The following BBX variants were observed in gnomAD, a reference collection of about 807,000 sequenced individuals.
BBX encodes the protein BBX high mobility group box domain containing.
BBX carries 30 observed loss-of-function variants against 100.2 expected under a neutral mutation model. The ratio of observed to expected loss-of-function variants is 0.30; its 90% CI spans 0.22 to 0.41. BBX has a LOEUF of 0.41. Among genes scored for constraint, BBX ranks in the 10% least tolerant of loss-of-function variants. The pLI, the probability that BBX is intolerant of heterozygous loss-of-function variation, is 1.00. For missense variants in BBX, 1,023 were observed against 1,129.8 expected (o/e 0.91, Z 1.35); for synonymous variants, 376 against 388.1 (o/e 0.97, Z 0.37).
intron 2 of BBX, among the ~76,000 whole-genome samples, chr3:107,629,848 C>T (rs1210699082): frequency 1.3e-5 from 2 of 152,096 alleles, no homozygotes; most frequent in South Asian, 2.1e-4. Context: ...TTTCACATTG[C>T]GTATTTTGAG....
chr3:107,703,831 G>A (rs765746190), intron 3 of BBX, among the ~76,000 whole-genome samples: 1 of 152,182 alleles, frequency 6.6e-6, no homozygotes, highest in East Asian at 1.9e-4. Context: ...GAGTTTTAGA[G>A]TTAATCTAAT....
intron 2 of BBX, among the ~76,000 whole-genome samples, chr3:107,566,889 CTCTTT>C (rs1437338155): frequency 6.6e-6 from 1 of 151,772 alleles, no homozygotes; most frequent in African/African-American, 2.4e-5. Context: ...TATTTTTAAA[CTCTTT>C]TCTTCTCTGA....
chr3:107,721,192 G>A (rs2062498984), intron 5 of BBX, among the ~76,000 whole-genome samples: 2 of 151,970 alleles, frequency 1.3e-5, no homozygotes, highest in African/African-American at 4.8e-5. Flanking sequence ...AAAGCATTCA[G>A]AACATCTTTT....
chr3:107,528,370 C>T (rs2047923527), intron 2 of BBX, among the ~76,000 whole-genome samples: 1 of 152,124 alleles, frequency 6.6e-6, no homozygotes, highest in Non-Finnish European at 1.5e-5. Flanking sequence ...GAAAAGGTGG[C>T]TCATCTATAT....
intron 2 of BBX, among the ~76,000 whole-genome samples, chr3:107,630,027 C>T (rs138391333): frequency 6.6e-6 from 1 of 152,278 alleles, no homozygotes; most frequent in African/African-American, 2.4e-5. Flanking sequence ...CTTTAGTCCT[C>T]TGAGCTCATC....
intron 2 of BBX, among the ~76,000 whole-genome samples, chr3:107,612,366 G>A (rs1454020158): frequency 2.0e-5 from 3 of 152,108 alleles, no homozygotes; most frequent in African/African-American, 7.2e-5. Flanking sequence ...GTTTGTACCT[G>A]TCCTCATTAA....
chr3:107,775,212 A>G (rs546714957), intron 12 of BBX, among the ~76,000 whole-genome samples: 2 of 152,164 alleles, frequency 1.3e-5, no homozygotes, highest in Admixed American at 6.6e-5. Context: ...TTTACATACT[A>G]TATGTATTTA....
chr3:107,556,916 G>T (rs2050133887), intron 2 of BBX, among the ~76,000 whole-genome samples: 5 of 152,112 alleles, frequency 3.3e-5, no homozygotes, highest in Admixed American at 3.3e-4. Flanking sequence ...AAATTTTGTT[G>T]CCAGAGCTCA....
Position 107,732,844 on chromosome 3 carries a change from A to C in BBX, c.602-112A>C. 2.4e-6 allele frequency: 2 copies of C among 846,892 alleles called. 1 individual carries two copies. The highest frequency in any genetic ancestry group is 3.4e-5 in the South Asian group (2 of 59,190). 52.5% of individuals were successfully genotyped at this position (846,892 alleles called of 1,614,324 possible). On this transcript the variant is annotated intron_variant, in intron 6 of 17. Transcript: ENST00000325805. Reference sequence around the variant, plus strand: ...TTTAAAAGTTTTTATAAAAAGTTATATGTGGTTCTGTTGGATTTCTGATTG... The same window carrying C: ...TTTAAAAGTTTTTATAAAAAGTTATCTGTGGTTCTGTTGGATTTCTGATTG...
intron 10 of BBX, among the ~76,000 whole-genome samples, chr3:107,765,782 G>A (rs548776496): frequency 8.5e-4 from 129 of 152,308 alleles, no homozygotes; most frequent in African/African-American, 2.8e-3. Context: ...GGGAATGGGA[G>A]GATGGGAGAG....
intron 2 of BBX, among the ~76,000 whole-genome samples, chr3:107,542,777 G>GAGGCC (rs1164071086): frequency 6.6e-6 from 1 of 152,108 alleles, no homozygotes; most frequent in African/African-American, 2.4e-5. Flanking sequence ...CTGTCTACTG[G>GAGGCC]AGGCCATATT....
rs373331356 is a variant in BBX, at chr3:107,563,099, C to T, written c.-84+36701C>T. On this transcript the variant is annotated intron_variant, in intron 2 of 17. Transcript: ENST00000325805. ...GTGTTAGGCTCACAGCTTTGCCTCCCATGTGGGAGGAGTGCTCAGGGTCAG... is the reference window on the plus strand; with the variant it reads ...GTGTTAGGCTCACAGCTTTGCCTCCTATGTGGGAGGAGTGCTCAGGGTCAG... Among the ~76,000 whole-genome samples, 26 of 152,304 alleles carry T rather than the reference C, an allele frequency of 1.7e-4. 1 individual carries two copies. The South Asian group carries it at 4.8e-3, about 28-fold the overall frequency.
At chr3:107,645,014 G>A (rs595192) in intron 2 of BBX, among the ~76,000 whole-genome samples, 139,988 of 152,214 alleles carry the variant, frequency 0.92, 64,564 homozygotes, top group East Asian at 1. Context: ...GTGATATCCA[G>A]TTTCTACAGT....
intron 15 of BBX, among the ~76,000 whole-genome samples, chr3:107,797,825 G>T (rs972393871): frequency 2.6e-5 from 4 of 152,126 alleles, no homozygotes; most frequent in Non-Finnish European, 2.9e-5. Context: ...ATTCATTGGG[G>T]TTACAATTAG....
In BBX at chr3:107,744,707, C is replaced by T. The variant is rs199846860; in HGVS notation, c.747C>T (p.Ala249=). The T allele has an allele frequency of 2.5e-5, 40 of 1,610,930 alleles. No homozygotes were observed. Among genetic ancestry groups the T allele is most frequent in the Non-Finnish European group, 3.0e-5 (35 of 1,177,488 alleles). The change falls in exon 8 of 18, where the codon GCC becomes GCT. Residue 249 remains alanine, a synonymous_variant. Transcript: ENST00000325805. ...AGAAGTCACCATTGTTTCAGTTTGC[C>T]GAGGTAATATATTACAATTGATACT... is the stretch of plus-strand genomic sequence containing the variant. ...LRQKSPLFQF[A]EISSSTSHSD...
intron 2 of BBX, among the ~76,000 whole-genome samples, chr3:107,574,886 A>G (rs2051656043): frequency 6.6e-6 from 1 of 152,182 alleles, no homozygotes; most frequent in South Asian, 2.1e-4. Flanking sequence ...AAGTGGTACA[A>G]CTGTTGTTAC....
chr3:107,529,620 A>T (rs1221360626), intron 2 of BBX, among the ~76,000 whole-genome samples: 2 of 152,210 alleles, frequency 1.3e-5, no homozygotes. Context: ...AAGGGTAGTC[A>T]TCACATACTG....
At chr3:107,592,191 T>C (rs1001634000) in intron 2 of BBX, among the ~76,000 whole-genome samples, 1 of 151,870 alleles carries the variant, frequency 6.6e-6, no homozygotes, top group East Asian at 1.9e-4. Flanking sequence ...TTTTTCTTAA[T>C]GTTTTGGGTT....
At chr3:107,725,895 T>C (rs1233615336) in intron 5 of BBX, among the ~76,000 whole-genome samples, 2 of 152,094 alleles carry the variant, frequency 1.3e-5, no homozygotes, top group Admixed American at 6.6e-5. Flanking sequence ...TGAAAATCAG[T>C]ATTTTTAACA....
Sources: allele counts gnomAD v4.1 joint callset (sites outside exome capture counted in the v4.1 genomes callset), GRCh38; gene constraint gnomAD v4.1.1; transcripts MANE v1.5; gene names NCBI Gene and HGNC (gene_info 2026-07-23, HGNC 2026-07-21).